The following EPHA5 variants were observed in gnomAD, a reference collection of about 807,000 sequenced individuals.
The protein encoded by EPHA5 is EPH receptor A5.
Under a neutral mutation model 105.0 loss-of-function variants are expected in EPHA5, and 60 were observed. The ratio of observed to expected loss-of-function variants is 0.57; its 90% CI spans 0.46 to 0.71. EPHA5 has a LOEUF of 0.71. Among genes scored for constraint, EPHA5 ranks in the 30% least tolerant of loss-of-function variants. The pLI, the probability that EPHA5 is intolerant of heterozygous loss-of-function variation, is 0.00. For synonymous variants in EPHA5, 513 were observed against 449.1 expected (o/e 1.14, Z -1.80); for missense variants, 1,218 against 1,274.7 (o/e 0.96, Z 0.68).
intron 8 of EPHA5, among the ~76,000 whole-genome samples, chr4:65,383,863 A>G (rs556045020): frequency 4.6e-5 from 7 of 152,060 alleles, no homozygotes; most frequent in Non-Finnish European, 8.8e-5. Context: ...CATAAAAAAT[A>G]TATATGATAT....
At chr4:65,348,665 T>G (rs1315100876) in intron 13 of EPHA5, among the ~76,000 whole-genome samples, 6 of 9,100 alleles carry the variant, frequency 6.6e-4, no homozygotes, top group Middle Eastern at 0.062. Flanking sequence ...TGGAGATATA[T>G]ATATATATAT....
At chr4:65,404,615 C>G (rs1157609281) in intron 7 of EPHA5, 136 bp from the exon 8 acceptor site, 2 of 657,794 alleles carry the variant, frequency 3.0e-6, no homozygotes, top group Non-Finnish European at 5.2e-6. Flanking sequence ...CCCCTAATAT[C>G]CTTTCTTAAA....
At chr4:65,574,156 T>A (rs1267589838) in intron 3 of EPHA5, 2 of 1,607,146 alleles carry the variant, frequency 1.2e-6, no homozygotes, top group Non-Finnish European at 1.7e-6. Context: ...GAAGGTGAGA[T>A]CTTCGACACA....
chr4:65,422,236 A>G (rs759198500), intron 5 of EPHA5, among the ~76,000 whole-genome samples: 4 of 152,112 alleles, frequency 2.6e-5, no homozygotes, highest in Non-Finnish European at 5.9e-5. Flanking sequence ...TGACAAGAGC[A>G]TCTTTGCATC....
At chr4:65,444,889 ACC>A (rs1726368896) in intron 5 of EPHA5, among the ~76,000 whole-genome samples, 7 of 152,022 alleles carry the variant, frequency 4.6e-5, no homozygotes, top group Non-Finnish European at 1.0e-4. Flanking sequence ...ATTCCTGGGT[ACC>A]TAAAAAAATT....
At position 65,367,369 on chromosome 4, in the gene EPHA5, G is replaced by A; in HGVS notation, c.1849C>T (p.His617Tyr). 6.2e-7 allele frequency: 1 copy of A among 1,611,196 alleles called. No individual in the cohort carries two copies. Among genetic ancestry groups the A allele is most frequent in the Non-Finnish European group, 8.5e-7 (1 of 1,178,970 alleles). The change falls in exon 9 of 17, where the codon CAT becomes TAT. Residue 617 changes from histidine to tyrosine, a missense_variant. This residue lies in a region of EPHA5 where 971 missense variants were observed against 1,013.5 expected (regional missense o/e 0.96). Transcript: ENST00000613740. ...QDPEEEKMHFHNGHIKLPGVR... is the reference protein window; with the variant it reads ...QDPEEEKMHFYNGHIKLPGVR... Reference sequence around the variant, plus strand: ...ACAATTTGCTTACTGTGCCCATTATGAAAATGCATCTTTTCCTCTTCTGGA... The same window carrying A: ...ACAATTTGCTTACTGTGCCCATTATAAAAATGCATCTTTTCCTCTTCTGGA...
intron 3 of EPHA5, chr4:65,573,874 G>T (rs1383769958): frequency 1.6e-5 from 26 of 1,612,574 alleles, no homozygotes; most frequent in East Asian, 1.6e-4. Flanking sequence ...CAGCACGTGA[G>T]AAAACTGCGA....
chr4:65,462,304 A>C (rs187944949), intron 5 of EPHA5, among the ~76,000 whole-genome samples: 2 of 152,264 alleles, frequency 1.3e-5, no homozygotes, highest in African/African-American at 4.8e-5. Context: ...TGATAGAATA[A>C]TTTTTATTTT....
rs200566773 is a variant in EPHA5 at position 65,580,193 on chromosome 4, A to T, written c.910+21448T>A. 3.9e-5 allele frequency among the ~76,000 whole-genome samples: 6 copies of T among 152,036 alleles called. No homozygotes were observed. The East Asian group carries it at 1.2e-3, about 29-fold the overall frequency. ...CTTAAAACTTTAAAAATGTTTAAGG[A>T]CTCATTAAAATAGGCATATATAAAC... On this transcript the variant is annotated intron_variant, in intron 3 of 16. Transcript: ENST00000613740.
chr4:65,476,113 A>AGT (rs1194586069), intron 5 of EPHA5, among the ~76,000 whole-genome samples: 1 of 117,008 alleles, frequency 8.5e-6, no homozygotes, highest in Non-Finnish European at 1.8e-5. Flanking sequence ...AGAGAGAGAG[A>AGT]GAGAGAGAGA....
At chr4:65,621,697 A>T (rs143804223) in intron 2 of EPHA5, among the ~76,000 whole-genome samples, 246 of 152,262 alleles carry the variant, frequency 1.6e-3, no homozygotes, top group African/African-American at 5.8e-3. Context: ...AGGGACAAAG[A>T]CACGAGTCCA....
intron 1 of EPHA5, among the ~76,000 whole-genome samples, chr4:65,653,810 G>T (rs182044605): frequency 1.3e-5 from 2 of 151,996 alleles, no homozygotes; most frequent in African/African-American, 4.8e-5. Context: ...TGTGGCAGAC[G>T]TTGTTTTATG....
chr4:65,331,163 T>G, intron 16 of EPHA5: 1 of 1,029,272 alleles, frequency 9.7e-7, no homozygotes, highest in African/African-American at 1.7e-5. Context: ...TAATTTGAAG[T>G]AAGTTATCAT....
intron 3 of EPHA5, among the ~76,000 whole-genome samples, chr4:65,551,435 G>T (rs1383503719): frequency 6.6e-6 from 1 of 151,890 alleles, no homozygotes; most frequent in Non-Finnish European, 1.5e-5. Context: ...TCTAACCTTT[G>T]AAAAAGCAAT....
intron 8 of EPHA5, among the ~76,000 whole-genome samples, chr4:65,397,824 C>T (rs1721397613): frequency 6.6e-6 from 1 of 152,114 alleles, no homozygotes; most frequent in Admixed American, 6.6e-5. Context: ...CAGAAAAATG[C>T]CCCCTATCAT....
At chr4:65,468,990 A>G (rs1729028610) in intron 5 of EPHA5, among the ~76,000 whole-genome samples, 1 of 151,984 alleles carries the variant, frequency 6.6e-6, no homozygotes, top group South Asian at 2.1e-4. Context: ...TCACAGTGAT[A>G]GGTTTTGTGG....
chr4:65,332,496 G>T, intron 15 of EPHA5, among the ~76,000 whole-genome samples: 1 of 151,140 alleles, frequency 6.6e-6, no homozygotes, highest in East Asian at 2.0e-4. Flanking sequence ...GTCCAAATCT[G>T]TAAAATGTAC....
chr4:65,452,754 GA>G (rs1432491764), intron 5 of EPHA5, among the ~76,000 whole-genome samples: 1 of 152,132 alleles, frequency 6.6e-6, no homozygotes, highest in Non-Finnish European at 1.5e-5. Context: ...AAGCAGAAAT[GA>G]TAAGGAAATT....
intron 3 of EPHA5, among the ~76,000 whole-genome samples, chr4:65,565,170 A>G (rs2149363706): frequency 6.6e-6 from 1 of 151,778 alleles, no homozygotes; most frequent in African/African-American, 2.4e-5. Context: ...TTCCCAAATC[A>G]CCTTTCTATA....
Sources: allele counts gnomAD v4.1 joint callset (sites outside exome capture counted in the v4.1 genomes callset), GRCh38; gene constraint gnomAD v4.1.1; regional missense constraint gnomAD v4.1.1; transcripts MANE v1.5; gene names NCBI Gene and HGNC (gene_info 2026-07-23, HGNC 2026-07-21).